Variants in FAM91A1 observed in about 807,000 individuals in gnomAD.
FAM91A1 encodes protein FAM91A1.
Under a neutral mutation model 113.5 loss-of-function variants are expected in FAM91A1, and 41 were observed. The ratio of observed to expected loss-of-function variants is 0.36; its 90% CI spans 0.28 to 0.47. FAM91A1 has a LOEUF of 0.47. Among genes scored for constraint, FAM91A1 ranks in the 20% least tolerant of loss-of-function variants. The pLI is 1.00. For synonymous variants in FAM91A1, 307 were observed against 347.9 expected (o/e 0.88, Z 1.31); for missense variants, 696 against 1,001.2 (o/e 0.70, Z 4.11).
Position 123,787,653 on chromosome 8 carries a change from CT to C in FAM91A1, c.1192-4del, listed in dbSNP as rs150475046. On this transcript the variant is annotated splice_polypyrimidine_tract_variant and intron_variant, in intron 13 of 23. Coordinates refer to ENST00000334705, the MANE Select transcript of FAM91A1 (RefSeq NM_144963.4). Reference sequence around the variant, plus strand: ...GAAGTAGAACTTTAATATTTTGTTTCTTTTTTTCAGAACTTGAAAAGTCATG... The same window carrying C: ...GAAGTAGAACTTTAATATTTTGTTTCTTTTTTCAGAACTTGAAAAGTCATG... The C allele has an allele frequency of 3.1e-6, 5 of 1,604,306 alleles. No individual in the cohort carries two copies. The highest frequency in any genetic ancestry group is 4.3e-6 in the Non-Finnish European group (5 of 1,175,544).
intron 15 of FAM91A1, among the ~76,000 whole-genome samples, chr8:123,795,122 A>G (rs1027578717): frequency 2.0e-5 from 3 of 152,246 alleles, no homozygotes; most frequent in African/African-American, 7.2e-5. Context: ...AAGATAATTA[A>G]TATTCTCTTA....
chr8:123,808,883 C>A lies in FAM91A1; in HGVS notation c.2138-10C>A. 1 of 1,605,306 alleles carries A rather than the reference C, an allele frequency of 6.2e-7. No homozygotes were observed. On this transcript the variant is annotated splice_polypyrimidine_tract_variant and intron_variant, in intron 21 of 23. Coordinates refer to ENST00000334705, the MANE Select transcript of FAM91A1 (RefSeq NM_144963.4). Reference sequence around the variant, plus strand: ...ATGATAAAAAAATAAGTTTATGTATCCTTTCTTAGGTGCCACAACAGAAGC... The same window carrying A: ...ATGATAAAAAAATAAGTTTATGTATACTTTCTTAGGTGCCACAACAGAAGC...
intron 1 of FAM91A1, among the ~76,000 whole-genome samples, chr8:123,772,585 ATAAAC>A (rs1166203107): frequency 6.6e-6 from 1 of 152,212 alleles, no homozygotes; most frequent in African/African-American, 2.4e-5. Flanking sequence ...TTAGCCTGTG[ATAAAC>A]TAAGCTAAAT....
At position 123,789,644 on chromosome 8, in the gene FAM91A1, G is replaced by A. The variant is rs1563642128; in HGVS notation, c.1310G>A (p.Arg437Lys). The A allele has an allele frequency of 6.2e-7, 1 of 1,611,906 alleles. No homozygotes were observed. ...VQSTGEGEAQ[R>K]YFDHALTLRN... ...AGCACTGGTGAAGGAGAAGCACAGA[G>A]ATATTTTGATCATGCACTTACTCTG... The change falls in exon 15 of 24, where the codon AGA becomes AAA. Residue 437 changes from arginine (R) to lysine (K), a missense_variant. Physicochemically the swap from Arg to Lys is conservative, Grantham distance 26. Coordinates refer to ENST00000334705, the MANE Select transcript of FAM91A1 (RefSeq NM_144963.4).
chr8:123,802,403 T>C (rs902017814), intron 18 of FAM91A1, among the ~76,000 whole-genome samples: 4 of 152,114 alleles, frequency 2.6e-5, no homozygotes, highest in Non-Finnish European at 5.9e-5. Flanking sequence ...GTGATACCAC[T>C]ACTGTAGGGA....
chr8:123,814,046 A>G lies in FAM91A1; in HGVS notation c.*1342A>G. The stretch of plus-strand genomic sequence containing the variant: ...TGCCTTTCCTAAAACTTAACCATGC[A>G]TTCAATACCATGGCCTATCTATAGA... On this transcript the variant is annotated 3_prime_UTR_variant, in exon 24 of 24. Coordinates refer to ENST00000334705, the MANE Select transcript of FAM91A1 (RefSeq NM_144963.4). 3.2e-6 allele frequency: 1 copy of G among 314,090 alleles called. No individual in the cohort carries two copies. 19.5% of individuals were successfully genotyped at this position (314,090 alleles called of 1,614,324 possible).
chr8:123,805,847 A>G (rs928249841), intron 19 of FAM91A1, among the ~76,000 whole-genome samples: 1 of 152,224 alleles, frequency 6.6e-6, no homozygotes, highest in Non-Finnish European at 1.5e-5. Flanking sequence ...ATAAGTTCAC[A>G]TATTTATGAG....
chr8:123,785,164 T>C (rs1311831737), intron 10 of FAM91A1, 45 bp downstream of exon 10: 3 of 1,419,430 alleles, frequency 2.1e-6, no homozygotes, highest in South Asian at 2.7e-5. Flanking sequence ...GATAACTGAG[T>C]GGATTTTACT....
intron 13 of FAM91A1, 125 bp from the exon 14 acceptor site, chr8:123,787,539 A>C: frequency 1.0e-6 from 1 of 991,294 alleles, no homozygotes; most frequent in Non-Finnish European, 1.5e-6. Context: ...TAATTGGAAG[A>C]ATTAGCCCCT....
Position 123,809,371 on chromosome 8 carries a change from A to G in FAM91A1, c.2261+355A>G, listed in dbSNP as rs189838760. On this transcript the variant is annotated intron_variant, in intron 22 of 23. Coordinates refer to ENST00000334705, the MANE Select transcript of FAM91A1 (RefSeq NM_144963.4). The stretch of plus-strand genomic sequence containing the variant: ...TCTCTGCATTTCTCTCACTCCTAAC[A>G]TACACACACTCATGTTATATTCTGT... Among the ~76,000 whole-genome samples, 7 of 152,296 alleles carry G rather than the reference A, an allele frequency of 4.6e-5. No individual in the cohort carries two copies. In the East Asian group the frequency reaches 9.7e-4, roughly 21 times the overall value.
intron 20 of FAM91A1, among the ~76,000 whole-genome samples, chr8:123,808,067 C>T (rs1006987159): frequency 3.9e-5 from 6 of 152,272 alleles, no homozygotes; most frequent in Middle Eastern, 3.4e-3. Flanking sequence ...TTCATAGATA[C>T]GAATAGCATC....
chr8:123,784,224 T>C (rs1192465389), intron 8 of FAM91A1, among the ~76,000 whole-genome samples: 2 of 152,314 alleles, frequency 1.3e-5, no homozygotes, highest in East Asian at 1.9e-4. Context: ...CTGAGTTACC[T>C]GTCTCAGTAA....
At chr8:123,779,724 A>T (rs963576738) in intron 6 of FAM91A1, among the ~76,000 whole-genome samples, 31 of 152,254 alleles carry the variant, frequency 2.0e-4, no homozygotes, top group Admixed American at 1.3e-3. Context: ...CAATTCAATC[A>T]CAAGGAACAA....
chr8:123,803,404 G>C (rs995625598), intron 18 of FAM91A1, among the ~76,000 whole-genome samples: 3 of 152,082 alleles, frequency 2.0e-5, no homozygotes, highest in Non-Finnish European at 4.4e-5. Context: ...GACTTCCCCT[G>C]GGCACAAGAG....
intron 18 of FAM91A1, among the ~76,000 whole-genome samples, chr8:123,804,383 C>T (rs1377665567): frequency 1.4e-5 from 2 of 147,362 alleles, no homozygotes; most frequent in African/African-American, 2.5e-5. Flanking sequence ...CTCAGCTACT[C>T]AGGAGGCTGA....
Position 123,786,563 on chromosome 8 carries a change from A to G in FAM91A1, c.1031A>G (p.Glu344Gly). The G allele has an allele frequency of 1.8e-5, 29 of 1,614,170 alleles. No individual in the cohort carries two copies. The highest frequency in any genetic ancestry group is 2.4e-5 in the Non-Finnish European group (28 of 1,180,010). The change falls in exon 12 of 24, where the codon GAA (glutamate) becomes GGA (glycine). Residue 344 changes from glutamate (E) to glycine (G), a missense_variant. Transcript: ENST00000334705. ...DGGESRSPVQ[E>G]ASSATDTDTN... ...GGGGAAAGTAGGAGTCCTGTACAAG[A>G]AGCTTCATCGGCAACTGACACTGAT...
Position 123,814,307 on chromosome 8 carries a change from G to T in FAM91A1, c.*1603G>T. ...CTAGTGCCATTAGGTATGTATGTAT[G>T]TAACTTTTACAGTTTTTCAGCTGAA... On this transcript the variant is annotated 3_prime_UTR_variant, in exon 24 of 24. Transcript: ENST00000334705. 1 of 202,382 alleles carries T rather than the reference G, an allele frequency of 4.9e-6. No homozygotes were observed. Among genetic ancestry groups the T allele is most frequent in the Non-Finnish European group, 1.0e-5 (1 of 98,186 alleles). 12.5% of individuals were successfully genotyped at this position (202,382 alleles called of 1,614,324 possible). A position where few individuals can be genotyped will look rare whatever the true frequency, so the allele number is the denominator to read the frequency against.
chr8:123,787,811 G>A (rs1400109696), intron 14 of FAM91A1, 61 bp downstream of exon 14: 1 of 1,335,202 alleles, frequency 7.5e-7, no homozygotes, highest in Non-Finnish European at 1.0e-6. Flanking sequence ...TTGCTTGACA[G>A]AATGCCAATT....
At chr8:123,802,846 A>G (rs1344301375) in intron 18 of FAM91A1, among the ~76,000 whole-genome samples, 2 of 152,228 alleles carry the variant, frequency 1.3e-5, no homozygotes, top group East Asian at 3.8e-4. Flanking sequence ...TTTACCTATA[A>G]ACTGGAGATA....
Sources: allele counts gnomAD v4.1 joint callset (sites outside exome capture counted in the v4.1 genomes callset), GRCh38; gene constraint gnomAD v4.1.1; transcripts MANE v1.5; gene names NCBI Gene and HGNC (gene_info 2026-07-23, HGNC 2026-07-21).